Variants in ATE1 observed in about 807,000 individuals in gnomAD.
ATE1 encodes the protein arginyl-tRNA--protein transferase 1.
ATE1 carries 36 observed loss-of-function variants against 70.5 expected under a neutral mutation model. The observed-to-expected ratio is 0.51, with a 90% CI of 0.39 to 0.67. ATE1 has a LOEUF of 0.67. Ranked by LOEUF, ATE1 falls within the 30% of genes least tolerant of loss-of-function variation. The pLI is 0.00. For missense variants in ATE1, 593 were observed against 629.5 expected, an observed-to-expected ratio of 0.94 and a Z score of 0.62; for synonymous variants, 232 against 219.3, an observed-to-expected ratio of 1.06 and a Z score of -0.51.
At chr10:121,762,917 C>T (rs895478423) in intron 11 of ATE1, among the ~76,000 whole-genome samples, 1 of 152,068 alleles carries the variant, frequency 6.6e-6, no homozygotes, top group East Asian at 1.9e-4. Flanking sequence ...TCAATTAAAC[C>T]TATGATAAAA....
At position 121,875,391 on chromosome 10, in the gene ATE1, G is replaced by A. The variant is rs143186870; in HGVS notation, c.943-5353C>T. 7.7e-3 allele frequency among the ~76,000 whole-genome samples: 1,026 copies of A among 132,662 alleles called. 24 individuals are homozygous for A. Among genetic ancestry groups the A allele is most frequent in the African/African-American group, 0.027 (964 of 35,230 alleles). 87.0% of individuals were successfully genotyped at this position (132,662 alleles called of 152,430 possible). A position where few individuals can be genotyped will look rare whatever the true frequency, so the allele number is the denominator to read the frequency against. On this transcript the variant is annotated intron_variant, in intron 7 of 11. Coordinates refer to ENST00000224652, the MANE Select transcript of ATE1 (RefSeq NM_001001976.3). Reference sequence around the variant, plus strand: ...ACAACCTCGGCTCACTGCAACCTCCGCCTCTCAGGTTCAAGCGATTCTCCC... The same window carrying A: ...ACAACCTCGGCTCACTGCAACCTCCACCTCTCAGGTTCAAGCGATTCTCCC...
chr10:121,928,244 G>C (rs1952186939), upstream of ATE1: 1 of 1,402,390 alleles, frequency 7.1e-7, no homozygotes, highest in Admixed American at 2.8e-5. Context: ...AGAGTCAAGA[G>C]GGGAAGGGAA....
intron 11 of ATE1, among the ~76,000 whole-genome samples, chr10:121,754,717 A>G (rs1693675): frequency 0.81 from 123,906 of 152,148 alleles, 50,846 homozygotes; most frequent in Non-Finnish European, 0.88. Context: ...TATTTACACC[A>G]TCTCAGGACA....
intron 10 of ATE1, among the ~76,000 whole-genome samples, chr10:121,800,838 A>AC (rs1318698727): frequency 1.3e-5 from 2 of 152,188 alleles, no homozygotes; most frequent in Non-Finnish European, 2.9e-5. Flanking sequence ...AGTGGGCTGT[A>AC]CCCCCAGAGA....
chr10:121,888,223 T>C (rs1054347343), intron 7 of ATE1, among the ~76,000 whole-genome samples: 32 of 152,182 alleles, frequency 2.1e-4, no homozygotes, highest in African/African-American at 7.2e-4. Flanking sequence ...TGAAACCCTG[T>C]CTCTTCTAAA....
At chr10:121,772,848 G>A (rs1369367096) in intron 11 of ATE1, among the ~76,000 whole-genome samples, 1 of 152,204 alleles carries the variant, frequency 6.6e-6, no homozygotes, top group Non-Finnish European at 1.5e-5. Flanking sequence ...CAAATTCAAT[G>A]TGCATAATCA....
chr10:121,797,483 C>T (rs992851486), intron 10 of ATE1, among the ~76,000 whole-genome samples: 2 of 152,094 alleles, frequency 1.3e-5, no homozygotes, highest in Non-Finnish European at 2.9e-5. Flanking sequence ...TTAGCAGTCA[C>T]TCCACATCCC....
chr10:121,878,187 T>C (rs1347892594), intron 7 of ATE1, among the ~76,000 whole-genome samples: 2 of 152,084 alleles, frequency 1.3e-5, no homozygotes, highest in East Asian at 3.9e-4. Flanking sequence ...GATAGAAGGG[T>C]AGTTAACCTC....
At chr10:121,924,388 C>T in intron 1 of ATE1, 59 bp from the exon 2 acceptor site, 1 of 1,518,136 alleles carries the variant, frequency 6.6e-7, no homozygotes, top group Non-Finnish European at 9.1e-7. Flanking sequence ...TTTTTAAATT[C>T]AAAGTGTGAG....
chr10:121,844,005 G>A (rs1212588846), intron 8 of ATE1, among the ~76,000 whole-genome samples: 1 of 152,152 alleles, frequency 6.6e-6, no homozygotes, highest in Non-Finnish European at 1.5e-5. Context: ...TCACAGACTG[G>A]GAGAAAATCT....
At chr10:121,823,875 C>A (rs1947903033) in intron 10 of ATE1, among the ~76,000 whole-genome samples, 1 of 152,176 alleles carries the variant, frequency 6.6e-6, no homozygotes, top group Non-Finnish European at 1.5e-5. Context: ...ATCTGATAAG[C>A]AATGCCATTT....
chr10:121,837,693 G>T (rs547214459), intron 9 of ATE1, among the ~76,000 whole-genome samples: 7 of 152,224 alleles, frequency 4.6e-5, no homozygotes, highest in African/African-American at 1.2e-4. Flanking sequence ...AATCCTTAAA[G>T]AATTATTACC....
chr10:121,872,510 A>AT (rs894035248), intron 7 of ATE1, among the ~76,000 whole-genome samples: 15 of 151,230 alleles, frequency 9.9e-5, no homozygotes, highest in South Asian at 4.2e-4. Flanking sequence ...AGTAAAACCC[A>AT]TTTTTTTTTA....
At chr10:121,899,643 A>T (rs745592759) in intron 7 of ATE1, among the ~76,000 whole-genome samples, 11 of 152,214 alleles carry the variant, frequency 7.2e-5, no homozygotes, top group Non-Finnish European at 7.3e-5. Flanking sequence ...ATAATTTTAC[A>T]TGTTACTTTG....
chr10:121,915,896 A>AAAAAC (rs1205121976), intron 3 of ATE1, among the ~76,000 whole-genome samples: 18 of 148,354 alleles, frequency 1.2e-4, no homozygotes, highest in African/African-American at 3.8e-4. Flanking sequence ...ATCTCAAAAA[A>AAAAAC]AAAACAAAAC....
chr10:121,762,708 CG>C (rs1945103131), intron 11 of ATE1, among the ~76,000 whole-genome samples: 1 of 152,142 alleles, frequency 6.6e-6, no homozygotes, highest in African/African-American at 2.4e-5. Context: ...CCCTGAGCTA[CG>C]GGGATAGGCT....
At chr10:121,894,996 G>A (rs12264046) in intron 7 of ATE1, among the ~76,000 whole-genome samples, 20,070 of 152,154 alleles carry the variant, frequency 0.13, 1,527 homozygotes, top group East Asian at 0.19. Context: ...CAGGAAGGGA[G>A]ATGCAAATCA....
intron 11 of ATE1, among the ~76,000 whole-genome samples, chr10:121,763,337 G>C (rs147074414): frequency 6.6e-6 from 1 of 152,210 alleles, no homozygotes; most frequent in African/African-American, 2.4e-5. Context: ...AGTCATAATT[G>C]CCAACAAGTG....
At chr10:121,841,035 TGA>T (rs1948609746) in intron 9 of ATE1, 45 bp downstream of exon 9, 1 of 1,342,960 alleles carries the variant, frequency 7.4e-7, no homozygotes, top group Admixed American at 2.5e-5. Context: ...AGTAATTATT[TGA>T]AGTTCTATAT....
Sources: allele counts gnomAD v4.1 joint callset (sites outside exome capture counted in the v4.1 genomes callset), GRCh38; gene constraint gnomAD v4.1.1; transcripts MANE v1.5; gene names NCBI Gene and HGNC (gene_info 2026-07-23, HGNC 2026-07-21).